NFAT5: variants seen among roughly 807,000 people sequenced by gnomAD.
The protein encoded by NFAT5 is nuclear factor of activated T-cells 5.
A neutral mutation model predicts 166.5 loss-of-function variants in NFAT5; 31 were observed. The ratio of observed to expected loss-of-function variants is 0.19; its 90% CI spans 0.14 to 0.25. The LOEUF (loss-of-function observed/expected upper bound fraction) is 0.25. Ranked by LOEUF, NFAT5 falls within the 10% of genes least tolerant of loss-of-function variation. NFAT5 has a pLI of 1.00. For missense variants in NFAT5, 1,449 were observed against 1,821.8 expected, an observed-to-expected ratio of 0.80 and a Z score of 3.72; for synonymous variants, 612 against 639.7, an observed-to-expected ratio of 0.96 and a Z score of 0.65.
chr16:69,629,816 C>T (rs988260296), intron 3 of NFAT5, among the ~76,000 whole-genome samples: 1 of 143,396 alleles, frequency 7.0e-6, no homozygotes, highest in Non-Finnish European at 1.5e-5. Context: ...GTCACCCAGG[C>T]TGAATGCACT....
chr16:69,598,100 T>C (rs2032909482), intron 2 of NFAT5, among the ~76,000 whole-genome samples: 1 of 152,078 alleles, frequency 6.6e-6, no homozygotes, highest in Non-Finnish European at 1.5e-5. Flanking sequence ...AATATTAAAA[T>C]ATTTGGGTGT....
chr16:69,661,685 C>A (rs1203934055), intron 7 of NFAT5, among the ~76,000 whole-genome samples: 1 of 150,466 alleles, frequency 6.6e-6, no homozygotes, highest in East Asian at 2.0e-4. Context: ...TGCAGTTGTT[C>A]TCAATCCTGG....
chr16:69,647,659 T>C lies in NFAT5; in HGVS notation c.812+73T>C. ...ACAAACAAAAAAAATTCCCAATTTTTCCTAATTGCTGAGCTCAAGTTTGCA... is the reference window on the plus strand; with the variant it reads ...ACAAACAAAAAAAATTCCCAATTTTCCCTAATTGCTGAGCTCAAGTTTGCA... On this transcript the variant is annotated intron_variant, in intron 4 of 14. Coordinates refer to ENST00000349945, the MANE Select transcript of NFAT5 (RefSeq NM_138713.4). The surrounding 1 kb of genome is among the most constrained non-coding windows in gnomAD (Gnocchi z 4.8). The C allele has an allele frequency of 7.3e-7, 1 of 1,368,892 alleles. No individual in the cohort carries two copies. The allele number at this position is 1,368,892 out of a possible 1,614,324, so 84.8% of individuals were successfully genotyped here.
chr16:69,610,967 T>G (rs1205348616), intron 2 of NFAT5, among the ~76,000 whole-genome samples: 1 of 152,152 alleles, frequency 6.6e-6, no homozygotes, highest in Non-Finnish European at 1.5e-5. Flanking sequence ...CAGACTCGGG[T>G]TTCTGTGAAC....
At position 69,590,090 on chromosome 16, in the gene NFAT5, C is replaced by T. The variant is rs114520460; in HGVS notation, c.127+21542C>T. Among the ~76,000 whole-genome samples the T allele has an allele frequency of 2.3e-3, 355 of 152,306 alleles. 5 individuals carry two copies. Among genetic ancestry groups the T allele is most frequent in the African/African-American group, 7.9e-3 (329 of 41,560 alleles). Reference sequence around the variant, plus strand: ...TTAGGAGACTGATAAAGGAGAATTGCATGACCCCAGGAGTTCAAGGTTACA... The same window carrying T: ...TTAGGAGACTGATAAAGGAGAATTGTATGACCCCAGGAGTTCAAGGTTACA... On this transcript the variant is annotated intron_variant, in intron 2 of 14. Coordinates refer to ENST00000349945, the MANE Select transcript of NFAT5 (RefSeq NM_138713.4).
intron 5 of NFAT5, among the ~76,000 whole-genome samples, chr16:69,654,641 A>G (rs1022033586): frequency 2.0e-5 from 3 of 152,254 alleles, no homozygotes; most frequent in African/African-American, 7.2e-5. Flanking sequence ...TTGCTTAACT[A>G]TGATAGGGAA....
intron 2 of NFAT5, among the ~76,000 whole-genome samples, chr16:69,610,001 AAG>A (rs10599522): frequency 4.0e-4 from 59 of 147,646 alleles, no homozygotes; most frequent in Admixed American, 4.7e-4. Context: ...GTGAGACAAG[AAG>A]AGAGAGAGAG....
intron 2 of NFAT5, among the ~76,000 whole-genome samples, chr16:69,608,915 A>G (rs539419932): frequency 1.3e-5 from 2 of 151,966 alleles, no homozygotes; most frequent in South Asian, 4.2e-4. Context: ...AGGTCAGGAG[A>G]TCGAGACCAT....
intron 2 of NFAT5, among the ~76,000 whole-genome samples, chr16:69,573,157 A>G (rs2016539355): frequency 6.6e-6 from 1 of 152,220 alleles, no homozygotes; most frequent in Non-Finnish European, 1.5e-5. Flanking sequence ...CTTTGTTTAA[A>G]TTAAACATTT....
At chr16:69,638,073 T>C (rs2035043126) in intron 3 of NFAT5, among the ~76,000 whole-genome samples, 3 of 151,874 alleles carry the variant, frequency 2.0e-5, no homozygotes, top group African/African-American at 7.3e-5. Flanking sequence ...ACAAAAATTA[T>C]CTGGGCATGG....
chr16:69,566,446 G>T lies in NFAT5; in HGVS notation c.73+72G>T. 1 of 1,330,056 alleles carries T rather than the reference G, an allele frequency of 7.5e-7. No individual in the cohort carries two copies. Among genetic ancestry groups the T allele is most frequent in the Non-Finnish European group, 1.0e-6 (1 of 952,748 alleles). 82.4% of individuals were successfully genotyped at this position (1,330,056 alleles called of 1,614,324 possible). A position where few individuals can be genotyped will look rare whatever the true frequency, so the allele number is the denominator to read the frequency against. On this transcript the variant is annotated intron_variant, in intron 1 of 14. Transcript: ENST00000349945. This position sits in a 1 kb window ranked among gnomAD's most constrained non-coding sequence, Gnocchi z 5.7. The stretch of plus-strand genomic sequence containing the variant: ...AGACAGGGAGACAGGGCCAGGGGAG[G>T]CGAGGGGTCCCCGTCCCGCCGGGGG...
At chr16:69,587,511 TCCTAA>T (rs2032156052) in intron 2 of NFAT5, among the ~76,000 whole-genome samples, 3 of 151,946 alleles carry the variant, frequency 2.0e-5, no homozygotes, top group Non-Finnish European at 4.4e-5. Context: ...TACCTTAGCC[TCCTAA>T]GTAGCTGGGA....
At chr16:69,677,980 T>C (rs8045432) in intron 10 of NFAT5, among the ~76,000 whole-genome samples, 82,334 of 150,852 alleles carry the variant, frequency 0.55, 23,953 homozygotes, top group East Asian at 0.83. Context: ...TGTTGAAACC[T>C]TGTCTCTACT....
chr16:69,577,704 A>C (rs1184607145), intron 2 of NFAT5, among the ~76,000 whole-genome samples: 1 of 152,162 alleles, frequency 6.6e-6, no homozygotes, highest in African/African-American at 2.4e-5. Context: ...CTCTGTCTTG[A>C]CCATGTGATT....
At chr16:69,583,372 A>G (rs2031827761) in intron 2 of NFAT5, among the ~76,000 whole-genome samples, 1 of 149,434 alleles carries the variant, frequency 6.7e-6, no homozygotes, top group Admixed American at 6.7e-5. Flanking sequence ...CACCATGCCC[A>G]GCTAATTAAA....
intron 2 of NFAT5, among the ~76,000 whole-genome samples, chr16:69,587,654 G>A (rs900581717): frequency 6.6e-6 from 1 of 152,094 alleles, no homozygotes; most frequent in Admixed American, 6.5e-5. Flanking sequence ...CTCCTAAAGT[G>A]TTGGGATTAT....
chr16:69,635,199 C>G (rs2034908152), intron 3 of NFAT5, among the ~76,000 whole-genome samples: 1 of 151,684 alleles, frequency 6.6e-6, no homozygotes, highest in African/African-American at 2.4e-5. Context: ...TTAGTAGAGA[C>G]AGGGTTTCAC....
Position 69,568,334 on chromosome 16 carries a change from G to GTA in NFAT5, c.74-149_74-148dup, listed in dbSNP as rs371948858. On this transcript the variant is annotated intron_variant, in intron 1 of 14. Coordinates refer to ENST00000349945, the MANE Select transcript of NFAT5 (RefSeq NM_138713.4). ...AAACTCCGTTTCAAAATGTATGTGT[G>GTA]TATATATATATATGTGTGTGTGTGT... Among the ~76,000 whole-genome samples, 311 of 133,262 alleles carry GTA rather than the reference G, an allele frequency of 2.3e-3. 15 individuals are homozygous for GTA. The highest frequency in any genetic ancestry group is 0.019 in the Middle Eastern group (5 of 266). The allele number at this position is 133,262 out of a possible 152,430, so 87.4% of individuals were successfully genotyped here.
chr16:69,580,898 G>A (rs1234646637), intron 2 of NFAT5, among the ~76,000 whole-genome samples: 6 of 151,694 alleles, frequency 4.0e-5, no homozygotes, highest in African/African-American at 9.7e-5. Context: ...CTCTTGATCC[G>A]CCCACCTCGG....
Sources: gnomAD v4.1 joint callset for allele counts (sites outside exome capture counted in the v4.1 genomes callset) on GRCh38, gnomAD v4.1.1 for gene constraint, Gnocchi (gnomAD v3.1) non-coding constraint, MANE v1.5 for transcripts, NCBI Gene and HGNC (gene_info 2026-07-23, HGNC 2026-07-21) for gene names.